TAF7L: variants seen among roughly 807,000 people sequenced by gnomAD.
TAF7L encodes the protein transcription initiation factor TFIID subunit 7-like.
TAF7L carries 6 observed loss-of-function variants against 30.2 expected under a neutral mutation model. The ratio of observed to expected loss-of-function variants is 0.20; its 90% CI spans 0.11 to 0.39. The LOEUF (loss-of-function observed/expected upper bound fraction) is 0.39, where lower values mean the gene tolerates loss of function less well. Ranked by LOEUF, TAF7L falls within the 10% of genes least tolerant of loss-of-function variation. The pLI is 1.00. For missense variants in TAF7L, 284 were observed against 277.1 expected, an observed-to-expected ratio of 1.03 and a Z score of -0.18; for synonymous variants, 93 against 94.5, an observed-to-expected ratio of 0.98 and a Z score of 0.09.
chrX:101,283,368 A>G, intron 4 of TAF7L, 82 bp downstream of exon 4: 1 of 1,033,579 alleles, frequency 9.7e-7, no homozygotes, highest in South Asian at 2.2e-5. Flanking sequence ...CCAAGTGGAA[A>G]GGAGTACTGA....
chrX:101,286,476 C>A (rs1351654561), intron 3 of TAF7L, 99 bp downstream of exon 3: 2 of 561,732 alleles, frequency 3.6e-6, no homozygotes, highest in South Asian at 3.5e-5. Flanking sequence ...CATATTCTAT[C>A]ATTTTTCACA....
At chrX:101,292,272 A>AATAAAAAATAAAAATAAT (rs1924850408), upstream of TAF7L, among the ~76,000 whole-genome samples, 1 of 78,559 alleles carries the variant, frequency 1.3e-5, no homozygotes. Flanking sequence ...AAATAAATAA[A>AATAAAAAATAAAAATAAT]AATAATAATA....
chrX:101,274,000 A>C (rs1334502128), intron 12 of TAF7L, among the ~76,000 whole-genome samples: 1 of 111,613 alleles, frequency 9.0e-6, no homozygotes, highest in East Asian at 2.8e-4. Context: ...GTAACTTTAT[A>C]TTTGTATAAT....
chrX:101,273,593 A>C (rs1280260777), intron 12 of TAF7L, among the ~76,000 whole-genome samples: 1 of 111,407 alleles, frequency 9.0e-6, no homozygotes, highest in East Asian at 2.8e-4. Flanking sequence ...CATTTAAAAA[A>C]AAAAAAGTTT....
At chrX:101,275,391 C>T (rs766190292) in intron 11 of TAF7L, 110 bp from the exon 12 acceptor site, 39 of 545,197 alleles carry the variant, frequency 7.2e-5, no homozygotes, top group African/African-American at 2.9e-4. Context: ...GTTTTTGAGG[C>T]GGAATCTTCC....
chrX:101,277,472 A>AAAAAAAAAAT, intron 9 of TAF7L, 134 bp downstream of exon 9: 1 of 252,295 alleles, frequency 4.0e-6, no homozygotes, highest in Non-Finnish European at 6.9e-6. Context: ...AAAAAAAAAG[A>AAAAAAAAAAT]GGGAAGGACG....
intron 6 of TAF7L, among the ~76,000 whole-genome samples, chrX:101,280,249 A>G (rs765435641): frequency 5.5e-4 from 61 of 111,853 alleles, no homozygotes; most frequent in Admixed American, 2.1e-3. Flanking sequence ...TGCAAACTAC[A>G]TATCTGATAA....
At position 101,276,005 on chromosome X, in the gene TAF7L, G is replaced by C; in HGVS notation, c.1021C>G (p.Leu341Val). ...TATGCCAGCCAAGAATTTACCTTGA[G>C]TGTCAGGTTTTCCACTTTCATGATG... The part of the protein sequence containing the change: ...DLIMKVENLT[L>V]KNHFQSVLEQ... The change falls in exon 11 of 13, where the codon CTC becomes GTC. Residue 341 changes from leucine to valine, a missense_variant. By Grantham distance (32) the Leu-to-Val change is conservative. Coordinates refer to ENST00000356784, the MANE Select transcript of TAF7L (RefSeq NM_001168474.2). The C allele has an allele frequency of 8.5e-7, 1 of 1,180,559 alleles. No individual in the cohort carries two copies. Among genetic ancestry groups the C allele is most frequent in the Non-Finnish European group, 1.1e-6 (1 of 877,947 alleles).
intron 10 of TAF7L, 54 bp downstream of exon 10, chrX:101,276,253 A>G (rs1924169864): frequency 8.3e-7 from 1 of 1,204,783 alleles, no homozygotes; most frequent in Admixed American, 2.2e-5. Flanking sequence ...CTTAGAGTCA[A>G]CTGTTAGCAC....
At chrX:101,292,132 G>A (rs950927691), upstream of TAF7L, among the ~76,000 whole-genome samples, 1 of 99,827 alleles carries the variant, frequency 1.0e-5, no homozygotes, top group Admixed American at 1.1e-4. Flanking sequence ...CCAGCTACTC[G>A]GGAGGCTGAG....
upstream of TAF7L, chrX:101,291,339 G>C (rs745337536): frequency 5.2e-5 from 39 of 743,908 alleles, no homozygotes; most frequent in South Asian, 1.8e-3. Flanking sequence ...GCGAACGCTG[G>C]GCTGCCGGCG....
At position 101,283,437 on chromosome X, in the gene TAF7L, A is replaced by C; in HGVS notation, c.279+13T>G. On this transcript the variant is annotated intron_variant, in intron 4 of 12. Transcript: ENST00000356784. ...TGAAGGATGTGAGGCTAGTAAAGAA[A>C]ACTAGTCCATACCTGAGAAATGTCT... The C allele has an allele frequency of 8.3e-7, 1 of 1,207,343 alleles. No individual in the cohort carries two copies. Among genetic ancestry groups the C allele is most frequent in the Non-Finnish European group, 1.1e-6 (1 of 893,525 alleles).
At position 101,268,777 on chromosome X, in the gene TAF7L, A is replaced by G. The variant is rs1674412923; in HGVS notation, c.*416T>C. On this transcript the variant is annotated 3_prime_UTR_variant, in exon 13 of 13. Coordinates refer to ENST00000356784, the MANE Select transcript of TAF7L (RefSeq NM_001168474.2). ...CTGCCTTTAGAAGCATGGCTGAATAATCTGCTGGTACCATAGCACAGAAGC... is the reference window on the plus strand; with the variant it reads ...CTGCCTTTAGAAGCATGGCTGAATAGTCTGCTGGTACCATAGCACAGAAGC... The G allele has an allele frequency of 1.7e-5, 2 of 118,612 alleles. No individual in the cohort carries two copies. The highest frequency in any genetic ancestry group is 2.5e-4 in the East Asian group (1 of 3,946). 9.8% of individuals were successfully genotyped at this position (118,612 alleles called of 1,213,427 possible). A position where few individuals can be genotyped will look rare whatever the true frequency, so the allele number is the denominator to read the frequency against.
Position 101,277,611 on chromosome X carries a change from G to C in TAF7L, c.686C>G (p.Ser229Trp). Reference sequence around the variant, plus strand: ...CTTTGCCTTTACTAAAGTACCTGACGAGGTATGACCCTGCTTGTGGCTGCT... The same window carrying C: ...CTTTGCCTTTACTAAAGTACCTGACCAGGTATGACCCTGCTTGTGGCTGCT... ...GMSSHKQGHT[S>W]SEYDMLREMF... The change falls in exon 9 of 13, where the codon TCG becomes TGG. Residue 229 changes from serine to tryptophan, a missense_variant. By Grantham distance (177) the Ser-to-Trp change is radical. Transcript: ENST00000356784. 1 of 1,169,129 alleles carries C rather than the reference G, an allele frequency of 8.6e-7. No homozygotes were observed. The highest frequency in any genetic ancestry group is 1.1e-6 in the Non-Finnish European group (1 of 872,112).
chrX:101,287,342 G>T, intron 2 of TAF7L, 136 bp downstream of exon 2: 1 of 552,888 alleles, frequency 1.8e-6, no homozygotes, highest in Non-Finnish European at 2.9e-6. Flanking sequence ...CTGCTTAACA[G>T]AACATGATTC....
At chrX:101,292,102 A>G (rs776311228), upstream of TAF7L, among the ~76,000 whole-genome samples, 4 of 98,110 alleles carry the variant, frequency 4.1e-5, no homozygotes, top group Admixed American at 1.1e-4. Flanking sequence ...AGCCGGGCGT[A>G]GTGGCGGGCG....
intron 11 of TAF7L, among the ~76,000 whole-genome samples, chrX:101,275,519 C>T (rs1924134293): frequency 9.1e-6 from 1 of 110,256 alleles, no homozygotes. Context: ...AGGAGCATGC[C>T]ACCAGGCCTG....
chrX:101,278,192 C>A, intron 7 of TAF7L, 71 bp from the exon 8 acceptor site: 2 of 841,639 alleles, frequency 2.4e-6, no homozygotes, highest in Non-Finnish European at 3.5e-6. Flanking sequence ...TGCAGGAGTG[C>A]CCTCCTACGT....
At chrX:101,281,621 G>T in intron 6 of TAF7L, 99 bp downstream of exon 6, 2 of 797,667 alleles carry the variant, frequency 2.5e-6, no homozygotes, top group Non-Finnish European at 3.7e-6. Flanking sequence ...ACATATAAAT[G>T]AATTAAAAAT....
Sources: gnomAD v4.1 joint callset for allele counts (sites outside exome capture counted in the v4.1 genomes callset) on GRCh38, gnomAD v4.1.1 for gene constraint, MANE v1.5 for transcripts, NCBI Gene and HGNC (gene_info 2026-07-23, HGNC 2026-07-21) for gene names.